GLDC: variants seen among roughly 807,000 people sequenced by gnomAD.
GLDC encodes the protein glycine dehydrogenase (decarboxylating), mitochondrial.
In GLDC, 104 loss-of-function variants were observed where a neutral mutation model predicts 121.3. That is an observed-to-expected ratio of 0.86 (90% CI 0.73 to 1.01). GLDC has a LOEUF of 1.01. Ranked by LOEUF, GLDC falls within the 50% of genes least tolerant of loss-of-function variation. GLDC has a pLI of 0.00. For missense variants in GLDC, 1,429 were observed against 1,306.6 expected, an observed-to-expected ratio of 1.09 and a Z score of -1.44; for synonymous variants, 546 against 480.6, an observed-to-expected ratio of 1.14 and a Z score of -1.78.
At chr9:6,618,566 C>T (rs1819012035) in intron 3 of GLDC, among the ~76,000 whole-genome samples, 1 of 152,172 alleles carries the variant, frequency 6.6e-6, no homozygotes, top group Non-Finnish European at 1.5e-5. Context: ...CTCAACCTCC[C>T]AAAGTGCTGG....
intron 18 of GLDC, among the ~76,000 whole-genome samples, chr9:6,555,474 GA>G (rs113353694): frequency 1.2e-4 from 18 of 148,778 alleles, no homozygotes; most frequent in East Asian, 3.9e-4. Flanking sequence ...AAAATGGTAG[GA>G]AAAAAAAAAG....
chr9:6,591,683 G>T (rs1204791513), intron 11 of GLDC, among the ~76,000 whole-genome samples: 1 of 152,060 alleles, frequency 6.6e-6, no homozygotes, highest in African/African-American at 2.4e-5. Flanking sequence ...CTCCTGGGTT[G>T]AAGCAATTCT....
At chr9:6,636,142 A>G (rs2129999868) in intron 2 of GLDC, among the ~76,000 whole-genome samples, 1 of 152,200 alleles carries the variant, frequency 6.6e-6, no homozygotes, top group South Asian at 2.1e-4. Flanking sequence ...CGTCTCTACT[A>G]AAGATACAAA....
intron 1 of GLDC, 57 bp downstream of exon 1, chr9:6,645,188 G>A: frequency 6.7e-7 from 1 of 1,497,900 alleles, no homozygotes; most frequent in Non-Finnish European, 9.0e-7. Context: ...AGGCCGCGCA[G>A]GCAGAGCCCG....
At chr9:6,554,359 T>C (rs1817574702) in intron 19 of GLDC, among the ~76,000 whole-genome samples, 2 of 152,204 alleles carry the variant, frequency 1.3e-5, no homozygotes, top group Non-Finnish European at 2.9e-5. Flanking sequence ...CTAGTGCCAA[T>C]ATTCCAGTTA....
At chr9:6,599,645 T>A (rs577539164) in intron 8 of GLDC, among the ~76,000 whole-genome samples, 2 of 146,272 alleles carry the variant, frequency 1.4e-5, no homozygotes, top group East Asian at 4.0e-4. Context: ...CGCTGGAAAC[T>A]GGAAGGCAGA....
chr9:6,565,580 T>C, intron 15 of GLDC, 151 bp from the exon 16 acceptor site: 1 of 722,932 alleles, frequency 1.4e-6, no homozygotes, highest in Non-Finnish European at 2.5e-6. Context: ...GGAGCTCTGC[T>C]GGAGTCAAAA....
chr9:6,635,530 C>T (rs901836717), intron 2 of GLDC, among the ~76,000 whole-genome samples: 1 of 152,012 alleles, frequency 6.6e-6, no homozygotes, highest in Non-Finnish European at 1.5e-5. Flanking sequence ...ATAGTCATAC[C>T]GCTGCACTCT....
intron 15 of GLDC, among the ~76,000 whole-genome samples, chr9:6,576,123 T>C (rs891407706): frequency 6.6e-6 from 1 of 152,126 alleles, no homozygotes; most frequent in Admixed American, 6.6e-5. Flanking sequence ...CTTGACAAAA[T>C]TTATGGTTAT....
chr9:6,585,617 G>C (rs968442238), intron 15 of GLDC, among the ~76,000 whole-genome samples: 6 of 152,116 alleles, frequency 3.9e-5, no homozygotes. Flanking sequence ...TGTAGTCTAT[G>C]TTACAAAACA....
intron 2 of GLDC, chr9:6,639,558 C>G (rs188122446): frequency 1.0e-5 from 8 of 772,480 alleles, no homozygotes; most frequent in Admixed American, 1.7e-5. Context: ...ATATGTTCGA[C>G]TGGCTCCTGA....
intron 3 of GLDC, among the ~76,000 whole-genome samples, chr9:6,618,074 T>TA (rs1027186407): frequency 1.4e-4 from 21 of 152,306 alleles, no homozygotes; most frequent in African/African-American, 4.8e-4. Flanking sequence ...AACTAACTTT[T>TA]AAAAAATCAC....
intron 2 of GLDC, among the ~76,000 whole-genome samples, chr9:6,641,355 G>A (rs887311423): frequency 6.6e-6 from 1 of 152,222 alleles, no homozygotes; most frequent in African/African-American, 2.4e-5. Flanking sequence ...CGTTTCCACT[G>A]GGGCAGTTGG....
At chr9:6,582,698 A>G (rs576861648) in intron 15 of GLDC, among the ~76,000 whole-genome samples, 137 of 151,918 alleles carry the variant, frequency 9.0e-4, no homozygotes, top group African/African-American at 2.9e-3. Context: ...GTGTGGTGGC[A>G]TGCGCCTGTA....
intron 15 of GLDC, among the ~76,000 whole-genome samples, chr9:6,572,635 G>A (rs1045375926): frequency 6.6e-6 from 1 of 152,192 alleles, no homozygotes; most frequent in Non-Finnish European, 1.5e-5. Flanking sequence ...ACAGACCAAA[G>A]GAATGGGACA....
intron 17 of GLDC, among the ~76,000 whole-genome samples, chr9:6,556,958 C>T (rs559541140): frequency 2.0e-5 from 3 of 152,216 alleles, no homozygotes; most frequent in East Asian, 1.9e-4. Context: ...CGATTTCAGA[C>T]GTTTGTGGTT....
chr9:6,644,983 A>T (rs1819710873), intron 1 of GLDC, among the ~76,000 whole-genome samples: 1 of 152,164 alleles, frequency 6.6e-6, no homozygotes, highest in Non-Finnish European at 1.5e-5. Flanking sequence ...AGGTCCATCC[A>T]CAGGGCCACT....
chr9:6,565,535 T>C (rs578033674), intron 15 of GLDC, 106 bp from the exon 16 acceptor site: 1 of 840,534 alleles, frequency 1.2e-6, no homozygotes, highest in Non-Finnish European at 2.1e-6. Context: ...ACGTGACACA[T>C]GGTCACTGTC....
chr9:6,573,726 A>T (rs1307419923), intron 15 of GLDC, among the ~76,000 whole-genome samples: 3 of 152,206 alleles, frequency 2.0e-5, no homozygotes, highest in African/African-American at 7.2e-5. Flanking sequence ...ATCAGCTAAG[A>T]AACCGATACG....
Sources: allele counts gnomAD v4.1 joint callset (sites outside exome capture counted in the v4.1 genomes callset), GRCh38; gene constraint gnomAD v4.1.1; transcripts MANE v1.5; gene names NCBI Gene and HGNC (gene_info 2026-07-23, HGNC 2026-07-21).